IPMK: variants seen among roughly 807,000 people sequenced by gnomAD.
IPMK encodes inositol 1,3,4,6-tetrakisphosphate 5-kinase.
In IPMK, 17 loss-of-function variants were observed where a neutral mutation model predicts 45.8. The ratio of observed to expected loss-of-function variants is 0.37; its 90% CI spans 0.25 to 0.56. The LOEUF is 0.56. Among genes scored for constraint, IPMK ranks in the 20% least tolerant of loss-of-function variants. IPMK has a pLI of 0.79. For missense variants in IPMK, 399 were observed against 498.0 expected, an observed-to-expected ratio of 0.80 and a Z score of 1.89; for synonymous variants, 180 against 184.3, an observed-to-expected ratio of 0.98 and a Z score of 0.19.
chr10:58,213,983 A>C (rs781484664), intron 4 of IPMK, among the ~76,000 whole-genome samples: 6 of 152,196 alleles, frequency 3.9e-5, no homozygotes, highest in Non-Finnish European at 8.8e-5. Context: ...AAATAGAAAT[A>C]ACGAGTTTGG....
In IPMK at chr10:58,214,336, G is replaced by A. The variant is rs1189817550; in HGVS notation, c.546+1809C>T. Among the ~76,000 whole-genome samples, 6 of 152,118 alleles carry A rather than the reference G, an allele frequency of 3.9e-5. No homozygotes were observed. The East Asian group carries it at 1.2e-3, about 29-fold the overall frequency. ...TGTGCATCTGTTAGCAAGAAATTAAGGGAAATCCTGTTGGATGATTTTTAT... is the reference window on the plus strand; with the variant it reads ...TGTGCATCTGTTAGCAAGAAATTAAAGGAAATCCTGTTGGATGATTTTTAT... On this transcript the variant is annotated intron_variant, in intron 4 of 5. Coordinates refer to ENST00000373935, the MANE Select transcript of IPMK (RefSeq NM_152230.5).
At chr10:58,246,987 A>G (rs7907087) in intron 1 of IPMK, among the ~76,000 whole-genome samples, 46,440 of 145,348 alleles carry the variant, frequency 0.32, 9,456 homozygotes, top group African/African-American at 0.59. Context: ...ATCAAAAAGT[A>G]GGCAAAGGAC....
At chr10:58,246,562 C>T (rs1297976573) in intron 1 of IPMK, among the ~76,000 whole-genome samples, 8 of 132,960 alleles carry the variant, frequency 6.0e-5, no homozygotes, top group Admixed American at 2.8e-4. Context: ...GAAAGGATTC[C>T]CTATTGAATA....
At chr10:58,233,192 CA>C (rs1159384407) in intron 2 of IPMK, among the ~76,000 whole-genome samples, 3 of 152,028 alleles carry the variant, frequency 2.0e-5, no homozygotes, top group Non-Finnish European at 2.9e-5. Flanking sequence ...GCCTACCAAC[CA>C]AAAAAAGTCC....
chr10:58,231,863 A>C (rs546937126), intron 2 of IPMK, among the ~76,000 whole-genome samples: 2 of 152,368 alleles, frequency 1.3e-5, no homozygotes, highest in East Asian at 1.9e-4. Context: ...AAATGCCCCA[A>C]TTAAAAGACA....
intron 1 of IPMK, among the ~76,000 whole-genome samples, chr10:58,253,113 C>G (rs1216039244): frequency 1.3e-5 from 2 of 152,132 alleles, no homozygotes; most frequent in Non-Finnish European, 2.9e-5. Flanking sequence ...TTTCCCCATA[C>G]TGTTCTTTTG....
chr10:58,250,815 C>A (rs192186754), intron 1 of IPMK, among the ~76,000 whole-genome samples: 1 of 152,256 alleles, frequency 6.6e-6, no homozygotes, highest in East Asian at 1.9e-4. Flanking sequence ...TGTGAGTTTT[C>A]ACAAATGGCC....
chr10:58,223,608 A>T (rs879743861), intron 3 of IPMK, among the ~76,000 whole-genome samples: 1 of 152,184 alleles, frequency 6.6e-6, no homozygotes, highest in Non-Finnish European at 1.5e-5. Context: ...CCTCATAAAA[A>T]AGGAGGAAAA....
intron 4 of IPMK, among the ~76,000 whole-genome samples, chr10:58,202,393 T>G (rs1380172234): frequency 6.6e-6 from 1 of 152,174 alleles, no homozygotes; most frequent in African/African-American, 2.4e-5. Flanking sequence ...ATGCTGAATC[T>G]CCCAGCCCTT....
intron 1 of IPMK, among the ~76,000 whole-genome samples, chr10:58,250,221 T>C (rs1398011594): frequency 6.6e-6 from 1 of 152,224 alleles, no homozygotes; most frequent in East Asian, 1.9e-4. Context: ...CTCTGATGAA[T>C]GTCTTTGGTG....
intron 1 of IPMK, among the ~76,000 whole-genome samples, chr10:58,253,117 T>TC (rs1838909499): frequency 1.3e-5 from 2 of 152,102 alleles, no homozygotes. Context: ...CCCATACTGT[T>TC]CTTTTGGTAG....
At chr10:58,198,942 C>A (rs1837956837) in intron 5 of IPMK, among the ~76,000 whole-genome samples, 2 of 152,038 alleles carry the variant, frequency 1.3e-5, no homozygotes, top group African/African-American at 4.8e-5. Flanking sequence ...ATTTTATACA[C>A]AACCTCTAGT....
intron 1 of IPMK, among the ~76,000 whole-genome samples, chr10:58,242,239 C>T (rs939224541): frequency 3.9e-5 from 6 of 151,992 alleles, no homozygotes; most frequent in East Asian, 3.9e-4. Flanking sequence ...AAAGACATCA[C>T]GAGGTAAGGA....
At position 58,193,162 on chromosome 10, in the gene IPMK, T is replaced by C. The variant is rs764789689; in HGVS notation, c.*2914A>G. The C allele has an allele frequency of 6.6e-6, 1 of 151,998 alleles. No homozygotes were observed. The highest frequency in any genetic ancestry group is 1.5e-5 in the Non-Finnish European group (1 of 67,856). The allele number at this position is 151,998 out of a possible 1,614,324, so 9.4% of individuals were successfully genotyped here. ...GAAACAAAAAATTGCAACTGAAGTA[T>C]CTGTGGAAATTCCTTTTTCTTAAAT... On this transcript the variant is annotated 3_prime_UTR_variant, in exon 6 of 6. Transcript: ENST00000373935.
intron 2 of IPMK, among the ~76,000 whole-genome samples, chr10:58,232,703 C>A (rs1224078540): frequency 6.6e-6 from 1 of 152,116 alleles, no homozygotes; most frequent in Non-Finnish European, 1.5e-5. Flanking sequence ...AAATTTATAG[C>A]AATAAATGCC....
At chr10:58,247,096 C>A (rs1037329729) in intron 1 of IPMK, among the ~76,000 whole-genome samples, 17 of 150,280 alleles carry the variant, frequency 1.1e-4, no homozygotes, top group Non-Finnish European at 1.0e-4. Flanking sequence ...AAATCAAAAC[C>A]ACAATGAGAG....
At chr10:58,248,045 A>C in intron 1 of IPMK, among the ~76,000 whole-genome samples, 1 of 152,124 alleles carries the variant, frequency 6.6e-6, no homozygotes, top group Non-Finnish European at 1.5e-5. Context: ...TCCTTCTATG[A>C]TTATGCAAGT....
intron 1 of IPMK, among the ~76,000 whole-genome samples, chr10:58,246,052 A>C (rs1359073581): frequency 3.0e-5 from 4 of 131,152 alleles, no homozygotes; most frequent in Admixed American, 2.8e-4. Flanking sequence ...TCCCATTCAC[A>C]ATTGCTTCAA....
chr10:58,209,095 T>C lies in IPMK; in HGVS notation c.546+7050A>G, dbSNP rs1588953616. 4.6e-5 allele frequency among the ~76,000 whole-genome samples: 7 copies of C among 152,078 alleles called. No individual in the cohort carries two copies. In the South Asian group the frequency reaches 1.2e-3, roughly 27 times the overall value. On this transcript the variant is annotated intron_variant, in intron 4 of 5. Coordinates refer to ENST00000373935, the MANE Select transcript of IPMK (RefSeq NM_152230.5). ...GAATGTTGTTATTCCAAACAGGGAG[T>C]GATTGTGACTCTGCCTCTTGTGCAG...
Sources: allele counts gnomAD v4.1 joint callset (sites outside exome capture counted in the v4.1 genomes callset), GRCh38; gene constraint gnomAD v4.1.1; transcripts MANE v1.5; gene names NCBI Gene and HGNC (gene_info 2026-07-23, HGNC 2026-07-21).